The following RFTN2 variants were observed in gnomAD, a reference collection of about 807,000 sequenced individuals.
The protein encoded by RFTN2 is raftlin family member 2, also known as raftlin-2.
Under a neutral mutation model 52.7 loss-of-function variants are expected in RFTN2, and 34 were observed. The ratio of observed to expected loss-of-function variants is 0.64; its 90% CI spans 0.49 to 0.86. The LOEUF is 0.86. Among genes scored for constraint, RFTN2 ranks in the 40% least tolerant of loss-of-function variants. The pLI is 0.00. For synonymous variants in RFTN2, 203 were observed against 217.7 expected (o/e 0.93, Z 0.59); for missense variants, 536 against 600.1 (o/e 0.89, Z 1.12).
intron 1 of RFTN2, among the ~76,000 whole-genome samples, chr2:197,664,823 A>G (rs1488505095): frequency 6.6e-6 from 1 of 152,140 alleles, no homozygotes; most frequent in Non-Finnish European, 1.5e-5. Context: ...CTGGCCTAAC[A>G]TATGATTTAT....
At chr2:197,609,774 C>T (rs569655265) in intron 7 of RFTN2, among the ~76,000 whole-genome samples, 15 of 152,086 alleles carry the variant, frequency 9.9e-5, no homozygotes, top group Non-Finnish European at 1.5e-4. Context: ...GTCTTTAATC[C>T]ATCTTGAGTT....
intron 7 of RFTN2, among the ~76,000 whole-genome samples, chr2:197,600,594 G>C (rs532469855): frequency 1.3e-5 from 2 of 152,234 alleles, no homozygotes; most frequent in Admixed American, 1.3e-4. Context: ...GGTTCTCAGT[G>C]GTTCCTGAGA....
intron 5 of RFTN2, among the ~76,000 whole-genome samples, chr2:197,621,835 T>A (rs2088271556): frequency 6.6e-6 from 1 of 152,196 alleles, no homozygotes; most frequent in Non-Finnish European, 1.5e-5. Flanking sequence ...CTGGGAATTA[T>A]TATTAAGCTT....
intron 7 of RFTN2, among the ~76,000 whole-genome samples, chr2:197,609,888 T>C (rs1183793830): frequency 6.6e-6 from 1 of 152,246 alleles, no homozygotes; most frequent in African/African-American, 2.4e-5. Context: ...CTTTCCCCAC[T>C]GCTTGTTTTT....
chr2:197,585,371 G>A (rs2087580198), intron 8 of RFTN2, among the ~76,000 whole-genome samples: 2 of 152,064 alleles, frequency 1.3e-5, no homozygotes. Context: ...TTACACTGGT[G>A]GTTTACCCTT....
chr2:197,640,931 AC>A (rs2088662862), intron 3 of RFTN2, among the ~76,000 whole-genome samples: 1 of 152,156 alleles, frequency 6.6e-6, no homozygotes, highest in Admixed American at 6.5e-5. Flanking sequence ...TTGAAGGCTG[AC>A]GTAGGGGACT....
rs955459483 is a variant in RFTN2, at chr2:197,578,786, G to A, written c.1234-6506C>T. Among the ~76,000 whole-genome samples the A allele has an allele frequency of 3.9e-5, 6 of 152,284 alleles. No individual in the cohort carries two copies. The South Asian group carries it at 6.2e-4, about 16-fold the overall frequency. On this transcript the variant is annotated intron_variant, in intron 8 of 8. Coordinates refer to ENST00000295049, the MANE Select transcript of RFTN2 (RefSeq NM_144629.3). ...ACGGATGCGCATGACATTTGGTGCC[G>A]TGATTCGGATTGGGGGACCACCCTT...
chr2:197,667,777 T>C (rs2106273672), intron 1 of RFTN2, among the ~76,000 whole-genome samples: 1 of 152,284 alleles, frequency 6.6e-6, no homozygotes, highest in East Asian at 1.9e-4. Flanking sequence ...GAGGTTTTCT[T>C]GGGAACTGGG....
chr2:197,634,124 C>G (rs1392123339), intron 3 of RFTN2, 127 bp from the exon 4 acceptor site: 1 of 757,712 alleles, frequency 1.3e-6, no homozygotes, highest in Non-Finnish European at 2.1e-6. Context: ...AGTGACAAGA[C>G]TCATTCATAA....
chr2:197,621,794 G>C (rs1293951575), intron 5 of RFTN2, among the ~76,000 whole-genome samples: 1 of 152,118 alleles, frequency 6.6e-6, no homozygotes, highest in Non-Finnish European at 1.5e-5. Flanking sequence ...GTGAAAAGAA[G>C]AGTCACAAGT....
intron 5 of RFTN2, among the ~76,000 whole-genome samples, chr2:197,630,409 T>G (rs2088450200): frequency 6.6e-6 from 1 of 152,154 alleles, no homozygotes; most frequent in African/African-American, 2.4e-5. Context: ...AAAAACTTCC[T>G]AGAAAGTCAT....
In RFTN2 at chr2:197,572,269, G is replaced by A. The variant is rs2087331674; in HGVS notation, c.1245C>T (p.Ser415=). Residue 415 remains serine, a synonymous_variant, in exon 9 of 9, where the codon AGC becomes AGT. Transcript: ENST00000295049. The stretch of plus-strand genomic sequence containing the variant: ...TCTTGTCTTCACCTTTTATGTGGCG[G>A]CTGGCTTTCTTCTGAAACACAAGAC... ...SAAQTPDKKA[S]RHIKGEDKNK... The A allele has an allele frequency of 6.2e-7, 1 of 1,613,526 alleles. No individual in the cohort carries two copies. Among genetic ancestry groups the A allele is most frequent in the Non-Finnish European group, 8.5e-7 (1 of 1,179,414 alleles).
At chr2:197,629,394 A>G (rs1449218167) in intron 5 of RFTN2, among the ~76,000 whole-genome samples, 1 of 152,066 alleles carries the variant, frequency 6.6e-6, no homozygotes, top group Non-Finnish European at 1.5e-5. Context: ...GAACTGAACA[A>G]TGAGAACACT....
At chr2:197,627,203 G>C (rs930361317) in intron 5 of RFTN2, among the ~76,000 whole-genome samples, 1 of 152,030 alleles carries the variant, frequency 6.6e-6, no homozygotes, top group Non-Finnish European at 1.5e-5. Context: ...GCCTAGAATG[G>C]CCTACCTCTG....
Position 197,617,498 on chromosome 2 carries a change from C to T in RFTN2, c.1050+302G>A, listed in dbSNP as rs182736790. Among the ~76,000 whole-genome samples the T allele has an allele frequency of 6.0e-3, 912 of 151,846 alleles. 10 individuals carry two copies. The highest frequency in any genetic ancestry group is 0.021 in the African/African-American group (872 of 41,408). ...AATATATATAGCCTGGGCAACATGGCGAGACCCTGTCTCTACAAAAAATAC... is the reference window on the plus strand; with the variant it reads ...AATATATATAGCCTGGGCAACATGGTGAGACCCTGTCTCTACAAAAAATAC... On this transcript the variant is annotated intron_variant, in intron 6 of 8. Transcript: ENST00000295049.
intron 1 of RFTN2, 36 bp from the exon 2 acceptor site, chr2:197,646,702 C>A: frequency 6.7e-7 from 1 of 1,497,968 alleles, no homozygotes; most frequent in South Asian, 1.2e-5. Flanking sequence ...TTTGCATATT[C>A]TTAAGATTGA....
intron 1 of RFTN2, among the ~76,000 whole-genome samples, chr2:197,674,175 C>T (rs2089183318): frequency 6.7e-6 from 1 of 150,148 alleles, no homozygotes; most frequent in Non-Finnish European, 1.5e-5. Flanking sequence ...TTTTGGTAGC[C>T]TTAGCTTTAA....
chr2:197,663,469 G>T (rs1476784846), intron 1 of RFTN2, among the ~76,000 whole-genome samples: 5 of 152,144 alleles, frequency 3.3e-5, no homozygotes, highest in African/African-American at 1.2e-4. Flanking sequence ...CAGTTTCTTT[G>T]TTGGGAGACT....
intron 7 of RFTN2, among the ~76,000 whole-genome samples, chr2:197,604,018 T>C (rs538332476): frequency 7.9e-5 from 12 of 152,224 alleles, no homozygotes; most frequent in Admixed American, 6.5e-4. Flanking sequence ...AAGTGGCCAA[T>C]AAACATATGT....
Sources: allele counts gnomAD v4.1 joint callset (sites outside exome capture counted in the v4.1 genomes callset), GRCh38; gene constraint gnomAD v4.1.1; transcripts MANE v1.5; gene names NCBI Gene and HGNC (gene_info 2026-07-23, HGNC 2026-07-21).